The following EYA4 variants were observed in gnomAD, a reference collection of about 807,000 sequenced individuals.
The protein encoded by EYA4 is protein phosphatase EYA4.
A neutral mutation model predicts 87.9 loss-of-function variants in EYA4; 31 were observed. The observed-to-expected ratio is 0.35, with a 90% CI of 0.27 to 0.48. EYA4 has a LOEUF of 0.48. EYA4 is among the 20% of genes least tolerant of loss of function. The pLI, the probability that EYA4 is intolerant of heterozygous loss-of-function variation, is 0.99. For missense variants in EYA4, 678 were observed against 761.4 expected, an observed-to-expected ratio of 0.89 and a Z score of 1.29; for synonymous variants, 263 against 270.6, an observed-to-expected ratio of 0.97 and a Z score of 0.28.
intron 2 of EYA4, among the ~76,000 whole-genome samples, chr6:133,345,878 G>T (rs961187713): frequency 1.3e-5 from 2 of 152,220 alleles, no homozygotes; most frequent in Non-Finnish European, 2.9e-5. Flanking sequence ...CAGTGCTTAA[G>T]AGAAGGTAAG....
chr6:133,328,766 T>C (rs1054590259), intron 2 of EYA4, among the ~76,000 whole-genome samples: 13 of 152,124 alleles, frequency 8.5e-5, no homozygotes, highest in Admixed American at 2.0e-4. Context: ...AAACCCAATA[T>C]TGATAAATTT....
chr6:133,394,138 G>C lies in EYA4; in HGVS notation c.83+11697G>C, dbSNP rs1259524986. Among the ~76,000 whole-genome samples, 5 of 152,014 alleles carry C rather than the reference G, an allele frequency of 3.3e-5. No individual in the cohort carries two copies. The East Asian group carries it at 9.6e-4, about 29-fold the overall frequency. On this transcript the variant is annotated intron_variant, in intron 3 of 19. Transcript: ENST00000355286. ...ATCACCTGATACTTGAAGTCTTTCAGGCATGCTTACTGTGCCAAATAACTG... is the reference window on the plus strand; with the variant it reads ...ATCACCTGATACTTGAAGTCTTTCACGCATGCTTACTGTGCCAAATAACTG...
chr6:133,288,245 C>A (rs1017865166), intron 2 of EYA4, among the ~76,000 whole-genome samples: 26 of 152,132 alleles, frequency 1.7e-4, no homozygotes, highest in African/African-American at 6.3e-4. Context: ...ATTTTATTTA[C>A]AAAAGCATGT....
intron 2 of EYA4, among the ~76,000 whole-genome samples, chr6:133,350,520 C>T (rs2128424261): frequency 6.6e-6 from 1 of 152,030 alleles, no homozygotes; most frequent in South Asian, 2.1e-4. Context: ...AGCTTCTAGA[C>T]AATGGGGATA....
intron 2 of EYA4, among the ~76,000 whole-genome samples, chr6:133,282,781 A>G (rs1177351929): frequency 6.6e-6 from 1 of 152,150 alleles, no homozygotes; most frequent in Admixed American, 6.6e-5. Context: ...AATGTTATCA[A>G]TTTGGTGTGA....
At chr6:133,294,599 G>A (rs1198398297) in intron 2 of EYA4, among the ~76,000 whole-genome samples, 1 of 151,540 alleles carries the variant, frequency 6.6e-6, no homozygotes, top group African/African-American at 2.4e-5. Flanking sequence ...ATGGAGTCTT[G>A]CTCTGTCACC....
At chr6:133,399,852 G>A (rs1432952898) in intron 3 of EYA4, among the ~76,000 whole-genome samples, 1 of 152,050 alleles carries the variant, frequency 6.6e-6, no homozygotes, top group East Asian at 1.9e-4. Context: ...AGTGTATAAA[G>A]TTCTCCCATA....
chr6:133,290,088 C>G (rs412771), intron 2 of EYA4, among the ~76,000 whole-genome samples: 45,161 of 151,852 alleles, frequency 0.3, 6,949 homozygotes, highest in Non-Finnish European at 0.34. Flanking sequence ...CATTGTGTGC[C>G]ATGGGCTAAG....
intron 1 of EYA4, chr6:133,247,440 C>T (rs1774500257): frequency 6.6e-6 from 1 of 152,090 alleles, no homozygotes; most frequent in Non-Finnish European, 1.5e-5. Context: ...CTCAAATCTG[C>T]ACATTTATGT....
intron 2 of EYA4, among the ~76,000 whole-genome samples, chr6:133,360,948 A>C (rs1393677622): frequency 6.6e-6 from 1 of 152,202 alleles, no homozygotes; most frequent in East Asian, 1.9e-4. Context: ...GTGCATAGGG[A>C]AGACACAGAA....
At chr6:133,288,281 A>G (rs1778228623) in intron 2 of EYA4, among the ~76,000 whole-genome samples, 7 of 152,238 alleles carry the variant, frequency 4.6e-5, no homozygotes, top group Admixed American at 3.9e-4. Flanking sequence ...ATACTTTGAC[A>G]ACCCCTGGCC....
At chr6:133,332,739 A>G (rs371171065) in intron 2 of EYA4, among the ~76,000 whole-genome samples, 4 of 86,152 alleles carry the variant, frequency 4.6e-5, no homozygotes, top group East Asian at 6.8e-4. Flanking sequence ...TTTTTTTTGT[A>G]TTTTAGCAGA....
At chr6:133,244,587 G>T (rs1774252564) in intron 1 of EYA4, among the ~76,000 whole-genome samples, 1 of 144,222 alleles carries the variant, frequency 6.9e-6, no homozygotes, top group Non-Finnish European at 1.5e-5. Context: ...TTGTCATTTT[G>T]CTATAATTTA....
At chr6:133,391,694 G>T (rs73559678) in intron 3 of EYA4, among the ~76,000 whole-genome samples, 2,431 of 152,164 alleles carry the variant, frequency 0.016, 66 homozygotes, top group African/African-American at 0.053. Flanking sequence ...CAGAGAGTCA[G>T]GGTCACAAAA....
In EYA4 at chr6:133,468,572, C is replaced by A. The variant is rs752023028; in HGVS notation, c.811C>A (p.Pro271Thr). 1.2e-6 allele frequency: 2 copies of A among 1,608,144 alleles called. No individual in the cohort carries two copies. The highest frequency in any genetic ancestry group is 1.7e-6 in the Non-Finnish European group (2 of 1,175,016). ...ATCTCAATTATTGTTTCAGGATTAT[C>A]CATCCTATACAGCCTTTGGCCAAAA... is the stretch of plus-strand genomic sequence containing the variant. ...TNFSGSQQDY[P>T]SYTAFGQNQY... The change falls in exon 11 of 20, where the codon CCA (proline) becomes ACA (threonine). Residue 271 changes from proline (P) to threonine (T), a missense_variant. Coordinates refer to ENST00000355286, the MANE Select transcript of EYA4 (RefSeq NM_004100.5).
In EYA4 at chr6:133,530,472, CTG is replaced by C; in HGVS notation, c.*1671_*1672del. 1.0e-6 allele frequency: 1 copy of C among 985,762 alleles called. No individual in the cohort carries two copies. Among genetic ancestry groups the C allele is most frequent in the Non-Finnish European group, 1.2e-6 (1 of 829,908 alleles). The allele number at this position is 985,762 out of a possible 1,614,324, so 61.1% of individuals were successfully genotyped here. On this transcript the variant is annotated 3_prime_UTR_variant, in exon 20 of 20. Coordinates refer to ENST00000355286, the MANE Select transcript of EYA4 (RefSeq NM_004100.5). Reference sequence around the variant, plus strand: ...TTTTATGGTGTCTGCACCTGCAGTTCTGTGTTTAAAATGTCATAATGTGGATC... The same window carrying C: ...TTTTATGGTGTCTGCACCTGCAGTTCTGTTTAAAATGTCATAATGTGGATC...
chr6:133,323,861 A>C (rs1411720699), intron 2 of EYA4, among the ~76,000 whole-genome samples: 1 of 152,154 alleles, frequency 6.6e-6, no homozygotes, highest in African/African-American at 2.4e-5. Flanking sequence ...CTCAAGGAAG[A>C]AGTAGTACAA....
chr6:133,289,537 A>G (rs1778320560), intron 2 of EYA4, among the ~76,000 whole-genome samples: 1 of 152,208 alleles, frequency 6.6e-6, no homozygotes, highest in Non-Finnish European at 1.5e-5. Context: ...TATTGAAACA[A>G]TTAAGAAGAT....
intron 2 of EYA4, among the ~76,000 whole-genome samples, chr6:133,312,382 GCA>G (rs78921867): frequency 0.022 from 3,262 of 147,406 alleles, 41 homozygotes; most frequent in South Asian, 0.033. Context: ...AGAGGCGCGT[GCA>G]CACACACACA....
Sources: gnomAD v4.1 joint callset for allele counts (sites outside exome capture counted in the v4.1 genomes callset) on GRCh38, gnomAD v4.1.1 for gene constraint, MANE v1.5 for transcripts, NCBI Gene and HGNC (gene_info 2026-07-23, HGNC 2026-07-21) for gene names.